ATG13: variants seen among roughly 807,000 people sequenced by gnomAD.
ATG13 encodes autophagy-related protein 13.
ATG13 carries 23 observed loss-of-function variants against 65.5 expected under a neutral mutation model. The ratio of observed to expected loss-of-function variants is 0.35; its 90% CI spans 0.25 to 0.50. The LOEUF is 0.50. Ranked by LOEUF, ATG13 falls within the 20% of genes least tolerant of loss-of-function variation. The probability of loss-of-function intolerance (pLI) is 0.98; values close to 1 mark genes in which losing one functional copy is unlikely to be tolerated. For synonymous variants in ATG13, 252 were observed against 245.2 expected, an observed-to-expected ratio of 1.03 and a Z score of -0.26; for missense variants, 566 against 677.0, an observed-to-expected ratio of 0.84 and a Z score of 1.82.
intron 1 of ATG13, among the ~76,000 whole-genome samples, chr11:46,628,079 T>C (rs904836923): frequency 6.9e-4 from 92 of 133,400 alleles, no homozygotes; most frequent in African/African-American, 2.6e-3. Context: ...TGAGACCTTG[T>C]CTCAAAAAAA....
chr11:46,643,117 C>G (rs150213165), intron 2 of ATG13, among the ~76,000 whole-genome samples: 24 of 152,236 alleles, frequency 1.6e-4, no homozygotes, highest in African/African-American at 5.1e-4. Context: ...TTGGTTGATA[C>G]AGCTGACCCC....
intron 3 of ATG13, among the ~76,000 whole-genome samples, chr11:46,645,059 C>T (rs2057164280): frequency 6.6e-6 from 1 of 152,194 alleles, no homozygotes; most frequent in Middle Eastern, 3.2e-3. Flanking sequence ...GCTCAGCTTT[C>T]CTTCTGCCAT....
chr11:46,621,864 C>T (rs1309577392), intron 1 of ATG13, among the ~76,000 whole-genome samples: 3 of 151,650 alleles, frequency 2.0e-5, no homozygotes, highest in Admixed American at 6.6e-5. Context: ...GCCTCGGTTC[C>T]CTGGCATCAG....
At chr11:46,668,208 C>T (rs2062814546) in intron 15 of ATG13, among the ~76,000 whole-genome samples, 1 of 152,232 alleles carries the variant, frequency 6.6e-6, no homozygotes, top group Non-Finnish European at 1.5e-5. Context: ...GGTTCCTCCT[C>T]AGCGGGGCCA....
Position 46,672,884 on chromosome 11 carries a change from G to C in ATG13, c.*552G>C, listed in dbSNP as rs576653895. Reference sequence around the variant, plus strand: ...CTCTTCTTCTCTCTCTTGCCTCTATGCCTGTATTTCTGGCAATATGACAGG... The same window carrying C: ...CTCTTCTTCTCTCTCTTGCCTCTATCCCTGTATTTCTGGCAATATGACAGG... On this transcript the variant is annotated 3_prime_UTR_variant, in exon 19 of 19. Transcript: ENST00000683050. 9.3e-7 allele frequency: 1 copy of C among 1,071,942 alleles called. No individual in the cohort carries two copies. 66.4% of individuals were successfully genotyped at this position (1,071,942 alleles called of 1,614,324 possible).
intron 8 of ATG13, 183 bp from the exon 9 acceptor site, chr11:46,656,897 AAACCTATATATACAC>A: frequency 1.8e-6 from 1 of 566,926 alleles, no homozygotes; most frequent in Admixed American, 3.1e-5. Context: ...GAGAGGGAAG[AAACCTATATATACAC>A]ACACATACAC....
intron 2 of ATG13, 24 bp from the exon 3 acceptor site, chr11:46,644,254 TA>T (rs1347037943): frequency 2.6e-6 from 4 of 1,517,674 alleles, no homozygotes; most frequent in Middle Eastern, 1.7e-4. Flanking sequence ...ATATTAGTCA[TA>T]TTTTTTTCAC....
chr11:46,646,905 A>G (rs1480774884), intron 5 of ATG13, among the ~76,000 whole-genome samples: 3 of 150,560 alleles, frequency 2.0e-5, no homozygotes, highest in African/African-American at 7.3e-5. Context: ...GACTATAGGC[A>G]TGCACCACCA....
intron 18 of ATG13, 55 bp from the exon 19 acceptor site, chr11:46,672,200 T>C (rs1298920475): frequency 6.2e-7 from 1 of 1,612,764 alleles, no homozygotes. Context: ...CTGGGCTGGC[T>C]GCCTCCTCAA....
intron 11 of ATG13, among the ~76,000 whole-genome samples, chr11:46,661,604 G>A (rs932586321): frequency 1.3e-4 from 20 of 151,848 alleles, no homozygotes; most frequent in Non-Finnish European, 4.4e-5. Flanking sequence ...AAGGAAGGAG[G>A]GAGGATCGCC....
chr11:46,621,059 G>A (rs913045331), intron 1 of ATG13: 9 of 151,630 alleles, frequency 5.9e-5, no homozygotes, highest in African/African-American at 2.2e-4. Context: ...CTGTTGCCCA[G>A]GCTGGAGTGT....
chr11:46,660,907 G>A (rs1414945857), intron 11 of ATG13, among the ~76,000 whole-genome samples: 1 of 151,746 alleles, frequency 6.6e-6, no homozygotes, highest in East Asian at 1.9e-4. Context: ...ATGGGGTTTT[G>A]CCATGTTGCC....
intron 2 of ATG13, among the ~76,000 whole-genome samples, chr11:46,642,562 C>T (rs1199133248): frequency 6.6e-6 from 1 of 152,138 alleles, no homozygotes; most frequent in Non-Finnish European, 1.5e-5. Flanking sequence ...TCCTCGGCCT[C>T]CCAAAGTGCT....
chr11:46,622,037 C>G lies in ATG13; in HGVS notation c.-70+4147C>G, dbSNP rs192301713. Among the ~76,000 whole-genome samples the G allele has an allele frequency of 9.9e-4, 133 of 134,922 alleles. 3 individuals are homozygous for G. The highest frequency in any genetic ancestry group is 3.8e-4 in the Non-Finnish European group (24 of 63,852). The allele number at this position is 134,922 out of a possible 152,430, so 88.5% of individuals were successfully genotyped here. A position where few individuals can be genotyped will look rare whatever the true frequency, so the allele number is the denominator to read the frequency against. On this transcript the variant is annotated intron_variant, in intron 1 of 18. Transcript: ENST00000683050. ...AACTGACAGCATCAGTTCAGTCCAC[C>G]CTGTTGATGAAAGGCCACTTCAGAG... is the stretch of plus-strand genomic sequence containing the variant.
chr11:46,646,064 A>C, intron 5 of ATG13, 75 bp downstream of exon 5: 4 of 1,569,704 alleles, frequency 2.5e-6, no homozygotes, highest in Non-Finnish European at 3.5e-6. Context: ...TTCATTTCTC[A>C]GTCTTATTCC....
At chr11:46,670,506 TA>T (rs2063481778) in intron 18 of ATG13, among the ~76,000 whole-genome samples, 1 of 141,330 alleles carries the variant, frequency 7.1e-6, no homozygotes, top group East Asian at 2.2e-4. Flanking sequence ...AAGTAATAAT[TA>T]CTACTACCAA....
chr11:46,629,275 C>G (rs2050828674), intron 1 of ATG13, among the ~76,000 whole-genome samples: 1 of 152,106 alleles, frequency 6.6e-6, no homozygotes, highest in Non-Finnish European at 1.5e-5. Flanking sequence ...CAAGAGATTA[C>G]ATTTACCTTT....
At chr11:46,667,086 C>G (rs1483473951) in intron 14 of ATG13, among the ~76,000 whole-genome samples, 1 of 152,330 alleles carries the variant, frequency 6.6e-6, no homozygotes, top group South Asian at 2.1e-4. Flanking sequence ...AAGACAGAGG[C>G]CCCTGTGTGG....
intron 2 of ATG13, among the ~76,000 whole-genome samples, chr11:46,632,785 AT>A (rs2052273547): frequency 6.6e-6 from 1 of 151,782 alleles, no homozygotes; most frequent in South Asian, 2.1e-4. Flanking sequence ...ATCTGGTACT[AT>A]TTTACTTCCC....
Sources: gnomAD v4.1 joint callset for allele counts (sites outside exome capture counted in the v4.1 genomes callset) on GRCh38, gnomAD v4.1.1 for gene constraint, MANE v1.5 for transcripts, NCBI Gene and HGNC (gene_info 2026-07-23, HGNC 2026-07-21) for gene names.